The following ACTR3C variants were observed in gnomAD, a reference collection of about 807,000 sequenced individuals.
ACTR3C encodes the protein actin related protein 3C.
ACTR3C carries 18 observed loss-of-function variants against 26.3 expected under a neutral mutation model. That is an observed-to-expected ratio of 0.68 (90% CI 0.47 to 1.01). The LOEUF (loss-of-function observed/expected upper bound fraction) is 1.01. Ranked by LOEUF, ACTR3C falls within the 50% of genes least tolerant of loss-of-function variation. ACTR3C has a pLI of 0.00. For synonymous variants in ACTR3C, 55 were observed against 94.5 expected (o/e 0.58, Z 2.42); for missense variants, 184 against 250.7 (o/e 0.73, Z 1.80).
At chr7:150,288,121 CT>C (rs1835928314) in intron 4 of ACTR3C, among the ~76,000 whole-genome samples, 1 of 142,444 alleles carries the variant, frequency 7.0e-6, no homozygotes, top group South Asian at 2.5e-4. Flanking sequence ...ACTAACAGGG[CT>C]ACCCCACAGA....
chr7:149,939,057 C>T, the ACTR3C span, among the ~76,000 whole-genome samples: 2 of 151,500 alleles, frequency 1.3e-5, no homozygotes, highest in African/African-American at 4.8e-5. Flanking sequence ...CTCAGCTCAC[C>T]GCAACCTCCG....
chr7:150,146,918 A>G, the ACTR3C span, among the ~76,000 whole-genome samples: 3 of 152,242 alleles, frequency 2.0e-5, no homozygotes, highest in East Asian at 1.9e-4. Flanking sequence ...TTTATTTGCT[A>G]TAGCAGCTGG....
chr7:149,949,201 TACACAC>T, the ACTR3C span, among the ~76,000 whole-genome samples: 1 of 144,308 alleles, frequency 6.9e-6, no homozygotes, highest in South Asian at 2.1e-4. Flanking sequence ...TATACATATA[TACACAC>T]ACACACACAC....
At chr7:150,037,098 T>C in the ACTR3C span, among the ~76,000 whole-genome samples, 7 of 88,948 alleles carry the variant, frequency 7.9e-5, no homozygotes, top group Admixed American at 1.1e-4. Flanking sequence ...ATGGGGGTCC[T>C]AAGAGCCAGG....
chr7:150,166,519 C>G, the ACTR3C span, among the ~76,000 whole-genome samples: 1 of 150,674 alleles, frequency 6.6e-6, no homozygotes, highest in East Asian at 1.9e-4. Flanking sequence ...GCCAACATGG[C>G]GAAACCCCGT....
the ACTR3C span, among the ~76,000 whole-genome samples, chr7:149,968,170 T>C: frequency 2.6e-5 from 4 of 152,270 alleles, no homozygotes; most frequent in Non-Finnish European, 5.9e-5. Flanking sequence ...AGATTGCCTT[T>C]GGAGCAGTGT....
At chr7:150,313,372 G>T (rs920807571) in intron 1 of ACTR3C, among the ~76,000 whole-genome samples, 1 of 152,166 alleles carries the variant, frequency 6.6e-6, no homozygotes, top group East Asian at 1.9e-4. Context: ...ATTGGCAATC[G>T]GTTGAAAGGG....
chr7:150,076,192 T>G, the ACTR3C span, among the ~76,000 whole-genome samples: 3 of 151,514 alleles, frequency 2.0e-5, no homozygotes, highest in Non-Finnish European at 4.4e-5. Flanking sequence ...AAAAGAAGTG[T>G]TCCAATGAGT....
At chr7:150,301,062 T>A (rs1334453902) in intron 1 of ACTR3C, among the ~76,000 whole-genome samples, 1 of 152,170 alleles carries the variant, frequency 6.6e-6, no homozygotes, top group Non-Finnish European at 1.5e-5. Context: ...AGTTAATACT[T>A]ATAAACACTT....
the ACTR3C span, among the ~76,000 whole-genome samples, chr7:150,039,420 C>T: frequency 6.3e-5 from 1 of 15,962 alleles, no homozygotes; most frequent in Non-Finnish European, 1.3e-4. Flanking sequence ...GCTCTCAGTC[C>T]CTGCCTCGCG....
At chr7:149,948,854 G>A in the ACTR3C span, among the ~76,000 whole-genome samples, 11 of 152,036 alleles carry the variant, frequency 7.2e-5, no homozygotes, top group South Asian at 4.2e-4. Context: ...TGCTGGTCTC[G>A]GACGTGATCC....
chr7:150,007,621 A>T, the ACTR3C span, among the ~76,000 whole-genome samples: 3 of 152,160 alleles, frequency 2.0e-5, no homozygotes, highest in African/African-American at 7.2e-5. Flanking sequence ...CGTCGATTTC[A>T]TGAGTGGGGT....
chr7:150,096,746 A>G, the ACTR3C span, among the ~76,000 whole-genome samples: 1 of 151,892 alleles, frequency 6.6e-6, no homozygotes, highest in African/African-American at 2.4e-5. Context: ...TGCAAAAGGG[A>G]TAGAGCCTAT....
the ACTR3C span, among the ~76,000 whole-genome samples, chr7:150,166,358 G>A: frequency 6.6e-6 from 1 of 150,952 alleles, no homozygotes; most frequent in Non-Finnish European, 1.5e-5. Context: ...TTGTGTTGGG[G>A]ATACTTCAAA....
the ACTR3C span, among the ~76,000 whole-genome samples, chr7:149,885,261 G>A: frequency 3.0e-4 from 46 of 152,294 alleles, no homozygotes; most frequent in Non-Finnish European, 4.9e-4. Flanking sequence ...AGACCCTCGG[G>A]AAAGGAGCCT....
At chr7:150,146,676 G>A in the ACTR3C span, among the ~76,000 whole-genome samples, 8 of 152,164 alleles carry the variant, frequency 5.3e-5, no homozygotes, top group South Asian at 6.2e-4. Context: ...CAAAACATCC[G>A]GGGATGCCTT....
the ACTR3C span, among the ~76,000 whole-genome samples, chr7:150,051,329 ATAAT>A: frequency 2.0e-5 from 3 of 149,580 alleles, no homozygotes; most frequent in Non-Finnish European, 4.5e-5. Context: ...TTTATGATGT[ATAAT>A]TAATTCAATT....
Position 150,274,716 on chromosome 7 carries a change from G to A in ACTR3C, c.564+10037C>T, listed in dbSNP as rs1563168227. On this transcript the variant is annotated intron_variant, in intron 6 of 7. Transcript: ENST00000683684. The surrounding 1 kb of genome is among the most constrained non-coding windows in gnomAD (Gnocchi z 4.1). ...CGGCTCAGCCCACGTGGAGACCCAC[G>A]CAGCTTGGCCCTGACGCCTATACTC... Among the ~76,000 whole-genome samples, 1 of 152,196 alleles carries A rather than the reference G, an allele frequency of 6.6e-6. No individual in the cohort carries two copies.
the ACTR3C span, among the ~76,000 whole-genome samples, chr7:149,955,268 A>C: frequency 1.3e-5 from 2 of 152,254 alleles, no homozygotes; most frequent in Non-Finnish European, 2.9e-5. Context: ...GAAGCAGAAG[A>C]AATGGAAATG....
Sources: gnomAD v4.1 joint callset for allele counts (sites outside exome capture counted in the v4.1 genomes callset) on GRCh38, gnomAD v4.1.1 for gene constraint, Gnocchi (gnomAD v3.1) non-coding constraint, MANE v1.5 for transcripts, NCBI Gene and HGNC (gene_info 2026-07-23, HGNC 2026-07-21) for gene names.